The following PEMT variants were observed in gnomAD, a reference collection of about 807,000 sequenced individuals.
PEMT encodes phosphatidylethanolamine N-methyltransferase, also known as phospholipid methyltransferase.
PEMT carries 23 observed loss-of-function variants against 27.4 expected under a neutral mutation model. The observed-to-expected ratio is 0.84, with a 90% CI of 0.60 to 1.19. The LOEUF (loss-of-function observed/expected upper bound fraction) is 1.19. Among genes scored for constraint, PEMT ranks in the 50% most tolerant of loss-of-function variants. The pLI is 0.00. For synonymous variants in PEMT, 137 were observed against 139.1 expected (o/e 0.98, Z 0.11); for missense variants, 307 against 310.1 (o/e 0.99, Z 0.07).
intron 1 of PEMT, among the ~76,000 whole-genome samples, chr17:17,583,418 T>C (rs1912080127): frequency 6.6e-6 from 1 of 152,170 alleles, no homozygotes; most frequent in Non-Finnish European, 1.5e-5. Context: ...AAAAGTTTAT[T>C]CTCTGGTAGA....
chr17:17,586,277 A>G (rs548673989), intron 1 of PEMT, among the ~76,000 whole-genome samples: 4 of 111,298 alleles, frequency 3.6e-5, no homozygotes, highest in East Asian at 2.6e-4. Flanking sequence ...AGAAAGAAAG[A>G]AAGAAAGAAA....
chr17:17,512,397 C>T lies in PEMT; in HGVS notation c.466+112G>A, dbSNP rs530725875. The T allele has an allele frequency of 9.2e-7, 1 of 1,090,122 alleles. No individual in the cohort carries two copies. Among genetic ancestry groups the T allele is most frequent in the Non-Finnish European group, 1.2e-6 (1 of 807,708 alleles). The allele number at this position is 1,090,122 out of a possible 1,614,324, so 67.5% of individuals were successfully genotyped here. On this transcript the variant is annotated intron_variant, in intron 4 of 6. Coordinates refer to ENST00000255389, the MANE Select transcript of PEMT (RefSeq NM_148172.3). The surrounding 1 kb of genome is among the most constrained non-coding windows in gnomAD (Gnocchi z 6.3). ...GCAAAGACGCCCCGATGGAGGGGGC[C>T]CCTAGCACTCCCACCGATGTCACGG...
upstream of PEMT, chr17:17,591,785 G>T: frequency 7.0e-7 from 1 of 1,428,110 alleles, no homozygotes; most frequent in Non-Finnish European, 9.2e-7. Context: ...CCGTCACCGC[G>T]AAGTGCCTCT....
intron 2 of PEMT, among the ~76,000 whole-genome samples, chr17:17,539,489 G>A (rs762338260): frequency 3.3e-5 from 5 of 152,204 alleles, no homozygotes; most frequent in Admixed American, 6.5e-5. Flanking sequence ...ATGCCTCTGC[G>A]ATGCGCCCAG....
chr17:17,591,660 C>T lies in PEMT; in HGVS notation c.-34G>A, dbSNP rs987413874. 1 of 1,594,846 alleles carries T rather than the reference C, an allele frequency of 6.3e-7. No homozygotes were observed. Among genetic ancestry groups the T allele is most frequent in the African/African-American group, 1.3e-5 (1 of 74,282 alleles). On this transcript the variant is annotated 5_prime_UTR_variant, in exon 1 of 7. Transcript: ENST00000255389. ...CGCCTCAGGAGGCACCACGCGGGCC[C>T]CGCTGCAGCCACGCGCCCCCGGAAC... is the stretch of plus-strand genomic sequence containing the variant.
At chr17:17,581,451 C>CA (rs1413788214) in intron 1 of PEMT, among the ~76,000 whole-genome samples, 1 of 152,180 alleles carries the variant, frequency 6.6e-6, no homozygotes, top group Non-Finnish European at 1.5e-5. Flanking sequence ...CCCTACCAGA[C>CA]AGAAAGCCCC....
intron 1 of PEMT, chr17:17,577,589 C>A: frequency 1.2e-6 from 1 of 841,184 alleles, no homozygotes; most frequent in Non-Finnish European, 1.4e-6. Flanking sequence ...GGACACTGCC[C>A]CCGCCCCGCC....
rs113364274 is a variant in PEMT at position 17,580,476 on chromosome 17, CA to C, written c.97-3450del. The stretch of plus-strand genomic sequence containing the variant: ...TGGGTGACAGAACGAGACTCCGTCT[CA>C]AAAAAAAAACAAAAACAAAAAACAC... On this transcript the variant is annotated intron_variant, in intron 1 of 6. Coordinates refer to ENST00000255389, the MANE Select transcript of PEMT (RefSeq NM_148172.3). Among the ~76,000 whole-genome samples, 305 of 144,126 alleles carry C rather than the reference CA, an allele frequency of 2.1e-3. 1 individual carries two copies. Among genetic ancestry groups the C allele is most frequent in the Middle Eastern group, 7.1e-3 (2 of 282 alleles). The allele number at this position is 144,126 out of a possible 152,430, so 94.6% of individuals were successfully genotyped here. A position where few individuals can be genotyped will look rare whatever the true frequency, so the allele number is the denominator to read the frequency against.
chr17:17,558,691 A>C (rs1422853935), intron 2 of PEMT, among the ~76,000 whole-genome samples: 1 of 127,380 alleles, frequency 7.9e-6, no homozygotes, highest in African/African-American at 2.6e-5. Flanking sequence ...CGAAAAAAAA[A>C]AAAAAAAACA....
intron 2 of PEMT, among the ~76,000 whole-genome samples, chr17:17,566,639 G>T (rs1338967064): frequency 1.3e-5 from 2 of 152,244 alleles, no homozygotes; most frequent in Non-Finnish European, 2.9e-5. Flanking sequence ...GGTGAAGGCG[G>T]GAAAGCTGGC....
chr17:17,585,741 A>G (rs530712910), intron 1 of PEMT, among the ~76,000 whole-genome samples: 1 of 152,238 alleles, frequency 6.6e-6, no homozygotes, highest in South Asian at 2.1e-4. Context: ...GGCAGTTTTA[A>G]GTTATTAGTT....
chr17:17,528,461 G>T (rs1481027222), intron 2 of PEMT, among the ~76,000 whole-genome samples: 1 of 152,246 alleles, frequency 6.6e-6, no homozygotes, highest in East Asian at 1.9e-4. Flanking sequence ...TGTGTGGAAT[G>T]ATGGATACAT....
At chr17:17,574,382 C>T (rs1430789014) in intron 2 of PEMT, among the ~76,000 whole-genome samples, 3 of 145,928 alleles carry the variant, frequency 2.1e-5, no homozygotes, top group Non-Finnish European at 3.0e-5. Context: ...TACAGTGGTG[C>T]CATCTCGGCT....
intron 2 of PEMT, among the ~76,000 whole-genome samples, chr17:17,536,919 G>A (rs1429603409): frequency 2.0e-5 from 3 of 152,220 alleles, no homozygotes; most frequent in Admixed American, 6.5e-5. Context: ...GAGGCTCACA[G>A]CCCGAAACCC....
chr17:17,535,381 C>T (rs988328423), intron 2 of PEMT, among the ~76,000 whole-genome samples: 7 of 151,942 alleles, frequency 4.6e-5, no homozygotes, highest in Admixed American at 1.3e-4. Flanking sequence ...TCCTGGCCAA[C>T]GTGGCGAAAC....
intron 2 of PEMT, among the ~76,000 whole-genome samples, chr17:17,533,552 T>C (rs1158147356): frequency 6.6e-6 from 1 of 152,176 alleles, no homozygotes; most frequent in African/African-American, 2.4e-5. Flanking sequence ...ACCCACAGAA[T>C]GGGTGAACAT....
chr17:17,563,105 G>C (rs1049881902), intron 2 of PEMT, among the ~76,000 whole-genome samples: 7 of 152,228 alleles, frequency 4.6e-5, no homozygotes, highest in Non-Finnish European at 8.8e-5. Context: ...ATCTGTCTCA[G>C]CAGCAGGGGA....
intron 1 of PEMT, chr17:17,578,813 G>A (rs1374773270): frequency 6.6e-6 from 1 of 151,974 alleles, no homozygotes; most frequent in Non-Finnish European, 1.5e-5. Context: ...GCATTAGGAG[G>A]AATACCTAAG....
In PEMT at chr17:17,522,375, C is replaced by T. The variant is rs757477245; in HGVS notation, c.225G>A (p.Lys75=). 15 of 1,608,664 alleles carry T rather than the reference C, an allele frequency of 9.3e-6. No individual in the cohort carries two copies. The highest frequency in any genetic ancestry group is 1.7e-5 in the Admixed American group (1 of 59,696). ...CGAAGGCCCTGCTCAGCTTGCGGGT[C>T]TTGTGTTCCCATCGTGCAACCTAAA... is the stretch of plus-strand genomic sequence containing the variant. ...YWNVVARWEH[K]TRKLSRAFGS... is the part of the protein sequence containing the mutation. Residue 75 remains lysine, a synonymous_variant, in exon 3 of 7, where the codon AAG becomes AAA. Transcript: ENST00000255389.
Sources: gnomAD v4.1 joint callset for allele counts (sites outside exome capture counted in the v4.1 genomes callset) on GRCh38, gnomAD v4.1.1 for gene constraint, Gnocchi (gnomAD v3.1) non-coding constraint, MANE v1.5 for transcripts, NCBI Gene and HGNC (gene_info 2026-07-23, HGNC 2026-07-21) for gene names.